The following TMEM132B variants were observed in gnomAD, a reference collection of about 807,000 sequenced individuals.
TMEM132B encodes the protein transmembrane protein 132B.
A neutral mutation model predicts 90.8 loss-of-function variants in TMEM132B; 18 were observed. That is an observed-to-expected ratio of 0.20 (90% confidence interval 0.14 to 0.29). TMEM132B has a LOEUF of 0.29. Ranked by LOEUF, TMEM132B falls within the 10% of genes least tolerant of loss-of-function variation. The pLI is 1.00. For missense variants in TMEM132B, 1,096 were observed against 1,326.8 expected, an observed-to-expected ratio of 0.83 and a Z score of 2.70; for synonymous variants, 504 against 523.3, an observed-to-expected ratio of 0.96 and a Z score of 0.50.
intron 3 of TMEM132B, among the ~76,000 whole-genome samples, chr12:125,425,755 C>T (rs548930894): frequency 4.6e-5 from 7 of 152,312 alleles, no homozygotes; most frequent in Non-Finnish European, 8.8e-5. Context: ...TTTCAGTTTC[C>T]TCGCTGTCTT....
At chr12:125,473,403 G>A (rs556942549) in intron 3 of TMEM132B, among the ~76,000 whole-genome samples, 1 of 151,940 alleles carries the variant, frequency 6.6e-6, no homozygotes, top group African/African-American at 2.4e-5. Context: ...TGCAAAGTTT[G>A]TCTCCCCAGT....
At chr12:125,597,620 A>G (rs1472130989) in intron 5 of TMEM132B, among the ~76,000 whole-genome samples, 1 of 152,178 alleles carries the variant, frequency 6.6e-6, no homozygotes, top group Non-Finnish European at 1.5e-5. Context: ...TTTCATTTTT[A>G]AAGAAATCAC....
intron 3 of TMEM132B, among the ~76,000 whole-genome samples, chr12:125,447,087 C>T (rs777725965): frequency 6.6e-6 from 1 of 152,024 alleles, no homozygotes; most frequent in Non-Finnish European, 1.5e-5. Context: ...CTTTTAATTC[C>T]AACCTATGTT....
intron 4 of TMEM132B, among the ~76,000 whole-genome samples, chr12:125,554,753 A>G (rs573242050): frequency 1.3e-3 from 198 of 152,296 alleles, no homozygotes; most frequent in African/African-American, 4.6e-3. Flanking sequence ...GCATGTCTAT[A>G]GTGCCCTGAA....
chr12:125,512,418 G>A (rs1883004958), intron 3 of TMEM132B, among the ~76,000 whole-genome samples: 1 of 152,194 alleles, frequency 6.6e-6, no homozygotes, highest in Non-Finnish European at 1.5e-5. Flanking sequence ...TATGGCTCTG[G>A]CTGTGAGCAG....
chr12:125,372,884 C>T (rs1443750478), intron 2 of TMEM132B, among the ~76,000 whole-genome samples: 1 of 152,192 alleles, frequency 6.6e-6, no homozygotes, highest in Admixed American at 6.5e-5. Flanking sequence ...AAGCTTACTC[C>T]AGTCTCAGGG....
intron 4 of TMEM132B, among the ~76,000 whole-genome samples, chr12:125,545,380 C>A (rs1047256020): frequency 2.0e-5 from 3 of 152,198 alleles, no homozygotes; most frequent in Admixed American, 6.5e-5. Context: ...TAGAATAGGG[C>A]AGGTGGTCAC....
At chr12:125,380,599 A>G (rs544565892) in intron 2 of TMEM132B, among the ~76,000 whole-genome samples, 3 of 152,272 alleles carry the variant, frequency 2.0e-5, no homozygotes, top group African/African-American at 7.2e-5. Flanking sequence ...GGAGCATGGC[A>G]TATGTTGGTG....
chr12:125,320,125 G>T (rs1876388960), intron 1 of TMEM132B, among the ~76,000 whole-genome samples: 2 of 152,236 alleles, frequency 1.3e-5, no homozygotes, highest in South Asian at 4.1e-4. Flanking sequence ...CCTGCACTGA[G>T]CTTTGGCCTT....
At chr12:125,388,473 G>A (rs1335122475) in intron 2 of TMEM132B, among the ~76,000 whole-genome samples, 4 of 152,046 alleles carry the variant, frequency 2.6e-5, no homozygotes, top group East Asian at 1.9e-4. Flanking sequence ...CTGTTGTCCC[G>A]TATGGTTTAA....
intron 5 of TMEM132B, among the ~76,000 whole-genome samples, chr12:125,623,010 C>T (rs1038733464): frequency 1.3e-5 from 2 of 152,178 alleles, no homozygotes; most frequent in African/African-American, 4.8e-5. Context: ...AGACCCTGAA[C>T]ACCTAAGCTT....
chr12:125,515,673 ACACT>A (rs562379128), intron 3 of TMEM132B, among the ~76,000 whole-genome samples: 78 of 150,876 alleles, frequency 5.2e-4, no homozygotes, highest in Non-Finnish European at 9.4e-4. Context: ...ATTCTTTCTC[ACACT>A]CACACACATT....
chr12:125,610,716 G>T (rs954775848), intron 5 of TMEM132B, among the ~76,000 whole-genome samples: 1 of 151,918 alleles, frequency 6.6e-6, no homozygotes. Context: ...TGCAATGGGA[G>T]AAAAGAATTG....
intron 3 of TMEM132B, among the ~76,000 whole-genome samples, chr12:125,514,999 AG>A (rs1299993133): frequency 2.6e-5 from 4 of 152,186 alleles, no homozygotes; most frequent in Admixed American, 2.0e-4. Context: ...CTTTTACGGA[AG>A]GGGAGGTTTC....
chr12:125,625,784 C>G (rs1886218835), intron 5 of TMEM132B, among the ~76,000 whole-genome samples: 1 of 152,180 alleles, frequency 6.6e-6, no homozygotes, highest in Non-Finnish European at 1.5e-5. Flanking sequence ...AATGAGAATT[C>G]CTGTTGCTGT....
At chr12:125,637,278 A>G (rs528754330) in intron 5 of TMEM132B, among the ~76,000 whole-genome samples, 1 of 152,350 alleles carries the variant, frequency 6.6e-6, no homozygotes, top group African/African-American at 2.4e-5. Flanking sequence ...TGAACTCAAC[A>G]TACAGCGGGG....
intron 2 of TMEM132B, among the ~76,000 whole-genome samples, chr12:125,381,713 C>CGT (rs2136286898): frequency 6.6e-6 from 1 of 152,192 alleles, no homozygotes; most frequent in Admixed American, 6.5e-5. Flanking sequence ...TGTGAATGTA[C>CGT]ATATGTGTAT....
intron 2 of TMEM132B, among the ~76,000 whole-genome samples, chr12:125,353,485 G>T (rs1291394413): frequency 6.6e-6 from 1 of 152,276 alleles, no homozygotes; most frequent in Non-Finnish European, 1.5e-5. Flanking sequence ...AGGCCGGGCA[G>T]TGGCATACCC....
intron 1 of TMEM132B, among the ~76,000 whole-genome samples, chr12:125,312,794 C>T (rs1876153514): frequency 6.6e-6 from 1 of 152,208 alleles, no homozygotes; most frequent in Non-Finnish European, 1.5e-5. Flanking sequence ...TATACTGTGG[C>T]CATTTCCCCA....
Sources: allele counts gnomAD v4.1 joint callset (sites outside exome capture counted in the v4.1 genomes callset), GRCh38; gene constraint gnomAD v4.1.1; transcripts MANE v1.5; gene names NCBI Gene and HGNC (gene_info 2026-07-23, HGNC 2026-07-21).